The following TMC6 variants were observed in gnomAD, a reference collection of about 807,000 sequenced individuals.
TMC6 encodes transmembrane channel-like protein 6.
In TMC6, 71 loss-of-function variants were observed where a neutral mutation model predicts 95.4. That is an observed-to-expected ratio of 0.74 (90% CI 0.61 to 0.91). The LOEUF (loss-of-function observed/expected upper bound fraction) is 0.91, where lower values mean the gene tolerates loss of function less well. Ranked by LOEUF, TMC6 falls within the 40% of genes least tolerant of loss-of-function variation. The pLI is 0.00. For synonymous variants in TMC6, 514 were observed against 483.1 expected, an observed-to-expected ratio of 1.06 and a Z score of -0.84; for missense variants, 1,074 against 1,079.1, an observed-to-expected ratio of 1.00 and a Z score of 0.07.
chr17:78,113,182 G>A lies in TMC6; in HGVS notation c.2384C>T (p.Pro795Leu), dbSNP rs140852551. 389 of 1,558,610 alleles carry A rather than the reference G, an allele frequency of 2.5e-4. No homozygotes were observed. The African/African-American group carries it at 4.8e-3, about 19-fold the overall frequency. ...CTGTTCATCTGTGAGCAGGGCAGGG[G>A]GTGCCGCAGCCTCCTCGGTTGTCCC... ...RVGTTEEAAA[P>L]PALLTDEQDA Residue 795 changes from proline to leucine, a missense_variant, in exon 20 of 20, where the codon CCC (proline) becomes CTC (leucine). Transcript: ENST00000590602.
Position 78,126,545 on chromosome 17 carries a change from G to C in TMC6, c.160C>G (p.Gln54Glu), listed in dbSNP as rs2074727855. Reference sequence around the variant, plus strand: ...TCACCTGTCACCTCCCGCTCTCTCTGCTGCAGCTCCAGCCCCTCCTGGGCC... The same window carrying C: ...TCACCTGTCACCTCCCGCTCTCTCTCCTGCAGCTCCAGCCCCTCCTGGGCC... Reference protein sequence around the residue: ...CTAQEGLELQQREREVTGSSQ... With the variant: ...CTAQEGLELQEREREVTGSSQ... The change falls in exon 3 of 20, where the codon CAG (glutamine) becomes GAG (glutamate). Residue 54 changes from glutamine to glutamate, a missense_variant. Transcript: ENST00000590602. 6.2e-7 allele frequency: 1 copy of C among 1,613,638 alleles called. No homozygotes were observed. The highest frequency in any genetic ancestry group is 8.5e-7 in the Non-Finnish European group (1 of 1,179,988).
Position 78,109,275 on chromosome 17 carries a change from T to A in TMC6, c.*3873A>T. ...CATCATGGCGAGCCCCGACTGAGTG[T>A]TCAGTGAAGAGGGAAAACAGAGACA... On this transcript the variant is annotated 3_prime_UTR_variant, in exon 20 of 20. Coordinates refer to ENST00000590602, the MANE Select transcript of TMC6 (RefSeq NM_001127198.5). The A allele has an allele frequency of 2.8e-6, 1 of 358,066 alleles. No homozygotes were observed. Among genetic ancestry groups the A allele is most frequent in the Non-Finnish European group, 5.6e-6 (1 of 178,860 alleles). The allele number at this position is 358,066 out of a possible 1,614,324, so 22.2% of individuals were successfully genotyped here.
In TMC6 at chr17:78,113,126, C is replaced by T. The variant is rs113815774; in HGVS notation, c.*22G>A. The T allele has an allele frequency of 1.5e-5, 24 of 1,550,850 alleles. No individual in the cohort carries two copies. The highest frequency in any genetic ancestry group is 1.1e-4 in the African/African-American group (8 of 73,326). On this transcript the variant is annotated 3_prime_UTR_variant, in exon 20 of 20. Coordinates refer to ENST00000590602, the MANE Select transcript of TMC6 (RefSeq NM_001127198.5). ...GTGGTCTCAGGGTGCTGGGCGGGCC[C>T]GTGAGGCCCATCGCCGTCCCCCTAG...
At chr17:78,116,576 A>G (rs1431355970) in intron 18 of TMC6, among the ~76,000 whole-genome samples, 1 of 151,982 alleles carries the variant, frequency 6.6e-6, no homozygotes, top group Non-Finnish European at 1.5e-5. Flanking sequence ...CACCCGGTCA[A>G]ACATTGTTTT....
At position 78,113,095 on chromosome 17, in the gene TMC6, A is replaced by G; in HGVS notation, c.*53T>C. 2 of 1,542,768 alleles carry G rather than the reference A, an allele frequency of 1.3e-6. No individual in the cohort carries two copies. Among genetic ancestry groups the G allele is most frequent in the Non-Finnish European group, 1.8e-6 (2 of 1,140,046 alleles). ...TGTCCCAGCAGGGTCACTGGGAGGC[A>G]ACAGTGTGGTCTCAGGGTGCTGGGC... On this transcript the variant is annotated 3_prime_UTR_variant, in exon 20 of 20. Coordinates refer to ENST00000590602, the MANE Select transcript of TMC6 (RefSeq NM_001127198.5).
chr17:78,120,884 T>G (rs2074379988), intron 12 of TMC6, 52 bp from the exon 13 acceptor site: 2 of 1,610,882 alleles, frequency 1.2e-6, no homozygotes, highest in East Asian at 2.2e-5. Context: ...GGACAGAAGA[T>G]GCACCCCAGG....
In TMC6 at chr17:78,109,504, A is replaced by T. The variant is rs779908332; in HGVS notation, c.*3644T>A. On this transcript the variant is annotated 3_prime_UTR_variant, in exon 20 of 20. Transcript: ENST00000590602. Reference sequence around the variant, plus strand: ...TATGCCTGGGCCCCAGGTCATCATGAAAACCAGAAGCAGACACTCAGGAGG... The same window carrying T: ...TATGCCTGGGCCCCAGGTCATCATGTAAACCAGAAGCAGACACTCAGGAGG... 4 of 456,610 alleles carry T rather than the reference A, an allele frequency of 8.8e-6. No homozygotes were observed. The highest frequency in any genetic ancestry group is 6.2e-5 in the South Asian group (4 of 64,570). 28.3% of individuals were successfully genotyped at this position (456,610 alleles called of 1,614,324 possible).
rs77343580 is a variant in TMC6, at chr17:78,115,060, C to T, written c.2278-1436G>A. Among the ~76,000 whole-genome samples, 240 of 152,364 alleles carry T rather than the reference C, an allele frequency of 1.6e-3. 1 individual carries two copies. The highest frequency in any genetic ancestry group is 2.7e-3 in the Non-Finnish European group (182 of 68,024). The stretch of plus-strand genomic sequence containing the variant: ...TCCAATATCTACAGCCAGACAACCA[C>T]CGCAGCCGAGATGCCAGGCTTTCAG... On this transcript the variant is annotated intron_variant, in intron 18 of 19. Transcript: ENST00000590602.
rs758391457 is a variant in TMC6, at chr17:78,125,747, G to A, written c.409C>T (p.Pro137Ser). 14 of 1,568,856 alleles carry A rather than the reference G, an allele frequency of 8.9e-6. No individual in the cohort carries two copies. Among genetic ancestry groups the A allele is most frequent in the Admixed American group, 3.7e-5 (2 of 54,280 alleles). ...SLRLYDLELDPTALEEEEKQS... is the reference protein window; with the variant it reads ...SLRLYDLELDSTALEEEEKQS... ...TCACCCTCCTCCTCCAGGGCCGTGGGGTCCAGCTCCAGGTCGTACAGGCGG... is the reference window on the plus strand; with the variant it reads ...TCACCCTCCTCCTCCAGGGCCGTGGAGTCCAGCTCCAGGTCGTACAGGCGG... Residue 137 changes from proline (P) to serine (S), a missense_variant, in exon 5 of 20, where the codon CCC (proline) becomes TCC (serine). Physicochemically the swap from Pro to Ser is moderately conservative, Grantham distance 74. Coordinates refer to ENST00000590602, the MANE Select transcript of TMC6 (RefSeq NM_001127198.5).
chr17:78,131,725 A>C, upstream of TMC6: 1 of 1,584,748 alleles, frequency 6.3e-7, no homozygotes, highest in African/African-American at 1.3e-5. Flanking sequence ...ATGATGGACA[A>C]GCGCCTCATC....
chr17:78,118,104 C>G, intron 15 of TMC6, 169 bp from the exon 16 acceptor site: 2 of 1,216,124 alleles, frequency 1.6e-6, no homozygotes, highest in South Asian at 3.0e-5. Context: ...GCCTGCCGGT[C>G]ACTTGCACGC....
chr17:78,131,267 A>G (rs755000549), upstream of TMC6: 12 of 485,470 alleles, frequency 2.5e-5, no homozygotes, highest in Non-Finnish European at 4.5e-5. Flanking sequence ...TGGATCTTTC[A>G]CCCCATTTGA....
At chr17:78,132,380 G>A (rs759253214), upstream of TMC6, 6 of 1,613,054 alleles carry the variant, frequency 3.7e-6, no homozygotes, top group Non-Finnish European at 2.5e-6. Flanking sequence ...ACAGGAATTC[G>A]GTCCTACTTC....
In TMC6 at chr17:78,111,849, G is replaced by A; in HGVS notation, c.*1299C>T. ...GCAGCTCCTGCAGGCCTGGAGCCCT[G>A]GGCTGTGACAGGCTGGTCCCCACAA... On this transcript the variant is annotated 3_prime_UTR_variant, in exon 20 of 20. Coordinates refer to ENST00000590602, the MANE Select transcript of TMC6 (RefSeq NM_001127198.5). The A allele has an allele frequency of 4.7e-6, 1 of 211,922 alleles. No individual in the cohort carries two copies. Among genetic ancestry groups the A allele is most frequent in the Non-Finnish European group, 9.8e-6 (1 of 102,134 alleles). The allele number at this position is 211,922 out of a possible 1,614,324, so 13.1% of individuals were successfully genotyped here.
chr17:78,122,503 C>T lies in TMC6; in HGVS notation c.1227+102G>A. 3 of 1,535,594 alleles carry T rather than the reference C, an allele frequency of 2.0e-6. No homozygotes were observed. Among genetic ancestry groups the T allele is most frequent in the Non-Finnish European group, 2.6e-6 (3 of 1,139,592 alleles). On this transcript the variant is annotated intron_variant, in intron 10 of 19. Transcript: ENST00000590602. The surrounding 1 kb of genome is among the most constrained non-coding windows in gnomAD (Gnocchi z 4.9). Reference sequence around the variant, plus strand: ...CGAGTTCAGCTCACGGACAGCTGGCCCTCCCTCTAGACCATGGTTCTGGTC... The same window carrying T: ...CGAGTTCAGCTCACGGACAGCTGGCTCTCCCTCTAGACCATGGTTCTGGTC...
upstream of TMC6, chr17:78,128,769 G>T (rs2074873073): frequency 6.9e-6 from 1 of 145,946 alleles, no homozygotes; most frequent in Admixed American, 6.9e-5. The surrounding 1 kb of genome is among the most constrained non-coding windows in gnomAD (Gnocchi z 4.0). Flanking sequence ...GGGGCCGGGG[G>T]AGTAGCCGCA....
chr17:78,127,791 C>G (rs936776450), intron 1 of TMC6, among the ~76,000 whole-genome samples: 3 of 152,252 alleles, frequency 2.0e-5, no homozygotes, highest in Admixed American at 6.5e-5. Flanking sequence ...CCCGACAGAG[C>G]AGCTCCTTGC....
In TMC6 at chr17:78,109,928, T is replaced by G. The variant is rs2073791997; in HGVS notation, c.*3220A>C. The stretch of plus-strand genomic sequence containing the variant: ...CTAAAAATACAAAATTAGCTGGGCA[T>G]GGTAGCACATGCCTGTAATCCCAGC... On this transcript the variant is annotated 3_prime_UTR_variant, in exon 20 of 20. Coordinates refer to ENST00000590602, the MANE Select transcript of TMC6 (RefSeq NM_001127198.5). 4.2e-6 allele frequency: 1 copy of G among 235,332 alleles called. No individual in the cohort carries two copies. Among genetic ancestry groups the G allele is most frequent in the South Asian group, 5.0e-5 (1 of 19,902 alleles). 14.6% of individuals were successfully genotyped at this position (235,332 alleles called of 1,614,324 possible).
intron 13 of TMC6, chr17:78,120,015 A>G (rs1371436525): frequency 2.5e-6 from 1 of 393,480 alleles, no homozygotes; most frequent in African/African-American, 2.1e-5. Context: ...GAAAACACCA[A>G]GAGGAAAAAA....
Sources: allele counts gnomAD v4.1 joint callset (sites outside exome capture counted in the v4.1 genomes callset), GRCh38; gene constraint gnomAD v4.1.1; non-coding constraint Gnocchi (gnomAD v3.1); transcripts MANE v1.5; gene names NCBI Gene and HGNC (gene_info 2026-07-23, HGNC 2026-07-21).